Variants in CMIP observed in about 807,000 individuals in gnomAD.
The protein encoded by CMIP is C-Maf-inducing protein.
Under a neutral mutation model 97.3 loss-of-function variants are expected in CMIP, and 13 were observed. The observed-to-expected ratio is 0.13, with a 90% CI of 0.09 to 0.21. The LOEUF (loss-of-function observed/expected upper bound fraction) is 0.21, where lower values mean the gene tolerates loss of function less well. Ranked by LOEUF, CMIP falls within the 10% of genes least tolerant of loss-of-function variation. The pLI, the probability that CMIP is intolerant of heterozygous loss-of-function variation, is 1.00. For missense variants in CMIP, 847 were observed against 1,024.9 expected, an observed-to-expected ratio of 0.83 and a Z score of 2.37; for synonymous variants, 538 against 436.3, an observed-to-expected ratio of 1.23 and a Z score of -2.91.
chr16:81,695,286 T>C (rs1906584451), intron 13 of CMIP, among the ~76,000 whole-genome samples: 1 of 152,240 alleles, frequency 6.6e-6, no homozygotes, highest in East Asian at 1.9e-4. Flanking sequence ...CCTTCCTAAA[T>C]GAAGCCAAAG....
intron 1 of CMIP, among the ~76,000 whole-genome samples, chr16:81,602,792 T>C (rs1208023674): frequency 6.6e-6 from 1 of 152,260 alleles, no homozygotes; most frequent in African/African-American, 2.4e-5. Context: ...AGAATTTTAA[T>C]GTTCTTTCTT....
At chr16:81,670,468 C>G (rs2092671940) in intron 8 of CMIP, among the ~76,000 whole-genome samples, 1 of 152,152 alleles carries the variant, frequency 6.6e-6, no homozygotes, top group African/African-American at 2.4e-5. Flanking sequence ...CTGTAGGTGC[C>G]ACATGTTTAG....
intron 1 of CMIP, among the ~76,000 whole-genome samples, chr16:81,481,969 C>T (rs2089231309): frequency 1.3e-5 from 2 of 151,578 alleles, no homozygotes; most frequent in Admixed American, 1.3e-4. Context: ...ACCTCTGCCT[C>T]CCGGGTTCAG....
chr16:81,635,249 T>G (rs1056244791), intron 3 of CMIP, among the ~76,000 whole-genome samples: 1 of 151,338 alleles, frequency 6.6e-6, no homozygotes, highest in Non-Finnish European at 1.5e-5. Context: ...TTTTTCGCTC[T>G]GGGTGGCCTT....
intron 1 of CMIP, among the ~76,000 whole-genome samples, chr16:81,457,880 C>A (rs1906657472): frequency 6.6e-6 from 1 of 152,228 alleles, no homozygotes; most frequent in Non-Finnish European, 1.5e-5. Flanking sequence ...CCCAGGCCCC[C>A]AGAAGGAAAT....
intron 1 of CMIP, among the ~76,000 whole-genome samples, chr16:81,523,161 C>T (rs2090061350): frequency 1.3e-5 from 2 of 152,170 alleles, no homozygotes; most frequent in South Asian, 4.1e-4. Context: ...CTCAAGTGAT[C>T]CTCCTGCCTT....
intron 1 of CMIP, among the ~76,000 whole-genome samples, chr16:81,485,615 A>AT (rs1344534615): frequency 6.6e-6 from 1 of 152,182 alleles, no homozygotes; most frequent in Non-Finnish European, 1.5e-5. Flanking sequence ...TGGCCTATTT[A>AT]TTTAGCTGTA....
chr16:81,701,191 G>A (rs1160578438), intron 15 of CMIP, among the ~76,000 whole-genome samples: 7 of 152,178 alleles, frequency 4.6e-5, no homozygotes, highest in East Asian at 3.9e-4. Context: ...CCCCCAGGCC[G>A]AAGAGCCACA....
At chr16:81,706,986 C>G (rs776849818) in intron 19 of CMIP, 28 bp from the exon 20 acceptor site, 1 of 1,608,940 alleles carries the variant, frequency 6.2e-7, no homozygotes, top group Non-Finnish European at 8.5e-7. Context: ...CCTCGCTCTC[C>G]TAACAACTGT....
At chr16:81,654,691 G>C (rs2092464182) in intron 4 of CMIP, among the ~76,000 whole-genome samples, 1 of 152,198 alleles carries the variant, frequency 6.6e-6, no homozygotes, top group Non-Finnish European at 1.5e-5. Flanking sequence ...TGCAAGGTAA[G>C]TATTAAAATG....
intron 5 of CMIP, among the ~76,000 whole-genome samples, 170 bp from the exon 6 acceptor site, chr16:81,660,713 TG>T (rs1567641306): frequency 6.6e-6 from 1 of 150,612 alleles, no homozygotes; most frequent in East Asian, 2.0e-4. Context: ...TGTGGATTTT[TG>T]GGGGATTTTT....
At chr16:81,547,808 G>A (rs1213111361) in intron 1 of CMIP, among the ~76,000 whole-genome samples, 3 of 152,214 alleles carry the variant, frequency 2.0e-5, no homozygotes, top group African/African-American at 7.2e-5. Context: ...GAATTTGGCA[G>A]ACACCGAAAT....
chr16:81,504,066 C>T (rs1191539187), intron 1 of CMIP, among the ~76,000 whole-genome samples: 1 of 152,232 alleles, frequency 6.6e-6, no homozygotes, highest in Admixed American at 6.5e-5. Context: ...TGGCTTACAC[C>T]TGTAATTCCA....
At chr16:81,686,466 A>G (rs1169513403) in intron 10 of CMIP, among the ~76,000 whole-genome samples, 2 of 152,166 alleles carry the variant, frequency 1.3e-5, no homozygotes. Flanking sequence ...CCAGGCGTGG[A>G]GTTCAGCTTC....
At chr16:81,675,370 ATTTT>A (rs35314200) in intron 9 of CMIP, among the ~76,000 whole-genome samples, 6 of 123,362 alleles carry the variant, frequency 4.9e-5, no homozygotes, top group African/African-American at 1.2e-4. Flanking sequence ...CACCTGGCTA[ATTTT>A]TTTTTTTTTT....
At chr16:81,489,792 T>G (rs1201815675) in intron 1 of CMIP, among the ~76,000 whole-genome samples, 1 of 152,236 alleles carries the variant, frequency 6.6e-6, no homozygotes, top group East Asian at 1.9e-4. Flanking sequence ...TGGGAGCTTT[T>G]GGCAAATGCC....
At chr16:81,595,455 C>T (rs1052948148) in intron 1 of CMIP, among the ~76,000 whole-genome samples, 6 of 148,326 alleles carry the variant, frequency 4.0e-5, no homozygotes, top group African/African-American at 1.2e-4. Context: ...GTGACACAAT[C>T]TGAGCTCACT....
intron 19 of CMIP, among the ~76,000 whole-genome samples, chr16:81,706,112 C>G (rs1055704224): frequency 6.6e-6 from 1 of 152,242 alleles, no homozygotes; most frequent in Non-Finnish European, 1.5e-5. Context: ...CTCAAGGAAC[C>G]TAGAAAGGCC....
In CMIP at chr16:81,565,968, G is replaced by A. The variant is rs57268767; in HGVS notation, c.301-41599G>A. Among the ~76,000 whole-genome samples, 997 of 152,282 alleles carry A rather than the reference G, an allele frequency of 6.5e-3. 12 individuals carry two copies. Among genetic ancestry groups the A allele is most frequent in the African/African-American group, 0.022 (912 of 41,556 alleles). On this transcript the variant is annotated intron_variant, in intron 1 of 20. Transcript: ENST00000537098. ...CAGGACCAGAGCCAGAGAGTTTCCC[G>A]AACACTCATAGCCAGCCCGGAGACT...
Sources: allele counts gnomAD v4.1 joint callset (sites outside exome capture counted in the v4.1 genomes callset), GRCh38; gene constraint gnomAD v4.1.1; transcripts MANE v1.5; gene names NCBI Gene and HGNC (gene_info 2026-07-23, HGNC 2026-07-21).